The following TMEM116 variants were observed in gnomAD, a reference collection of about 807,000 sequenced individuals.
TMEM116 encodes the protein transmembrane protein 116.
TMEM116 carries 38 observed loss-of-function variants against 44.3 expected under a neutral mutation model. The ratio of observed to expected loss-of-function variants is 0.86; its 90% CI spans 0.66 to 1.12. The LOEUF (loss-of-function observed/expected upper bound fraction) is 1.12. Among genes scored for constraint, TMEM116 ranks in the 50% most tolerant of loss-of-function variants. The pLI is 0.00. For missense variants in TMEM116, 354 were observed against 401.7 expected, an observed-to-expected ratio of 0.88 and a Z score of 1.01; for synonymous variants, 132 against 144.8, an observed-to-expected ratio of 0.91 and a Z score of 0.64.
intron 4 of TMEM116, among the ~76,000 whole-genome samples, chr12:111,950,023 G>A (rs756167928): frequency 6.6e-6 from 1 of 152,162 alleles, no homozygotes; most frequent in African/African-American, 2.4e-5. Context: ...GCTGAGGCAG[G>A]AGAATCACTT....
chr12:111,996,004 C>T (rs1274428931), intron 3 of TMEM116, among the ~76,000 whole-genome samples: 1 of 139,768 alleles, frequency 7.2e-6, no homozygotes, highest in Non-Finnish European at 1.5e-5. Flanking sequence ...TGCATCACTG[C>T]ACTTCAGCCA....
intron 3 of TMEM116, chr12:111,993,384 C>A: frequency 1.8e-6 from 1 of 543,538 alleles, no homozygotes; most frequent in Non-Finnish European, 3.7e-6. Context: ...CCACTCCATG[C>A]AGGTGTTCTG....
Position 111,960,987 on chromosome 12 carries a change from G to A in TMEM116, c.211-17618C>T, listed in dbSNP as rs1451214165. ...ATAGACACAGTAAAAAATGATAAAG[G>A]GGATGTCACCACTGATCCCACAGAA... On this transcript the variant is annotated intron_variant, in intron 4 of 10. Coordinates refer to ENST00000552374, the MANE Select transcript of TMEM116 (RefSeq NM_001193531.2). 3.9e-5 allele frequency among the ~76,000 whole-genome samples: 6 copies of A among 152,130 alleles called. No individual in the cohort carries two copies. In the East Asian group the frequency reaches 9.6e-4, roughly 24 times the overall value.
At position 111,942,484 on chromosome 12, in the gene TMEM116, G is replaced by A. The variant is rs536080835; in HGVS notation, c.315+781C>T. 2.4e-3 allele frequency among the ~76,000 whole-genome samples: 372 copies of A among 152,058 alleles called. 1 individual carries two copies. The highest frequency in any genetic ancestry group is 4.3e-3 in the Non-Finnish European group (294 of 67,984). On this transcript the variant is annotated intron_variant, in intron 5 of 10. Transcript: ENST00000552374. ...AGATGGAGTTTCACCGTGTTAGCCC[G>A]AATGGTGTCAATCTCCTGACCTCGT...
chr12:111,999,371 G>C (rs2077115413), intron 3 of TMEM116, among the ~76,000 whole-genome samples: 1 of 152,138 alleles, frequency 6.6e-6, no homozygotes, highest in African/African-American at 2.4e-5. Context: ...GCCAAGGCGG[G>C]TGGATCACGA....
At chr12:111,953,724 C>G (rs116379042) in intron 4 of TMEM116, among the ~76,000 whole-genome samples, 132 of 152,236 alleles carry the variant, frequency 8.7e-4, no homozygotes, top group African/African-American at 3.2e-3. Context: ...TCCTTGTTTT[C>G]CTTTACCTCC....
At chr12:111,964,661 G>A (rs2074864201) in intron 4 of TMEM116, among the ~76,000 whole-genome samples, 2 of 152,064 alleles carry the variant, frequency 1.3e-5, no homozygotes, top group Non-Finnish European at 2.9e-5. Context: ...TCCAAAGTGT[G>A]GCAACAGTTT....
chr12:111,947,036 A>G (rs936963247), intron 4 of TMEM116, among the ~76,000 whole-genome samples: 1 of 152,194 alleles, frequency 6.6e-6, no homozygotes, highest in African/African-American at 2.4e-5. Flanking sequence ...TAAATTCTTG[A>G]TAACTGGCCT....
At chr12:111,975,910 T>G (rs1213087314) in intron 4 of TMEM116, among the ~76,000 whole-genome samples, 1 of 152,166 alleles carries the variant, frequency 6.6e-6, no homozygotes. Context: ...CTCCAACACC[T>G]TACCATCACG....
intron 4 of TMEM116, among the ~76,000 whole-genome samples, chr12:111,969,108 G>A (rs917920645): frequency 2.0e-5 from 3 of 151,630 alleles, no homozygotes; most frequent in Non-Finnish European, 1.5e-5. Context: ...ATCACCTGGG[G>A]TCGGGAGCTC....
chr12:111,962,159 A>G (rs1462514729), intron 4 of TMEM116, among the ~76,000 whole-genome samples: 1 of 152,234 alleles, frequency 6.6e-6, no homozygotes, highest in Non-Finnish European at 1.5e-5. Flanking sequence ...GCTGAAGGAA[A>G]TAAGAGAGGA....
chr12:111,952,859 C>T (rs143387971), intron 4 of TMEM116, among the ~76,000 whole-genome samples: 3 of 152,126 alleles, frequency 2.0e-5, no homozygotes, highest in Non-Finnish European at 4.4e-5. Context: ...TTAATAAACT[C>T]CCCTTTATAT....
At chr12:111,954,535 GT>G (rs2073954052) in intron 4 of TMEM116, among the ~76,000 whole-genome samples, 1 of 152,164 alleles carries the variant, frequency 6.6e-6, no homozygotes. Flanking sequence ...TAAGAACCTT[GT>G]CATTATTCTT....
Position 112,005,347 on chromosome 12 carries a change from T to C in TMEM116, c.-33-44A>G, listed in dbSNP as rs185124334. 7.9e-5 allele frequency: 97 copies of C among 1,229,712 alleles called. 1 individual carries two copies. In the Middle Eastern group the frequency reaches 1.2e-3, roughly 15 times the overall value. 76.2% of individuals were successfully genotyped at this position (1,229,712 alleles called of 1,614,324 possible). ...ACGGAATAAAATTAAACCTTTTACA[T>C]TGAATATTCAACCTAAGTTCATTAT... On this transcript the variant is annotated intron_variant, in intron 1 of 10. Coordinates refer to ENST00000552374, the MANE Select transcript of TMEM116 (RefSeq NM_001193531.2).
At chr12:111,998,847 A>G (rs2077068862) in intron 3 of TMEM116, among the ~76,000 whole-genome samples, 1 of 152,120 alleles carries the variant, frequency 6.6e-6, no homozygotes, top group South Asian at 2.1e-4. Context: ...GGGGGAAAGG[A>G]AAGGAAAGGA....
At chr12:111,957,317 G>A (rs58552361) in intron 4 of TMEM116, among the ~76,000 whole-genome samples, 29,383 of 150,586 alleles carry the variant, frequency 0.2, 3,026 homozygotes, top group Middle Eastern at 0.28. Flanking sequence ...CTGCCCCGCC[G>A]CCACCCCGTC....
intron 4 of TMEM116, among the ~76,000 whole-genome samples, chr12:111,968,992 CAA>C (rs1176204219): frequency 1.4e-3 from 61 of 45,180 alleles, no homozygotes; most frequent in South Asian, 0.01. Context: ...GACTCTATCT[CAA>C]AAAAAAAAAA....
intron 4 of TMEM116, among the ~76,000 whole-genome samples, chr12:111,945,035 A>G (rs1387599645): frequency 6.8e-6 from 1 of 146,192 alleles, no homozygotes; most frequent in Non-Finnish European, 1.5e-5. Context: ...AGATCGCGCC[A>G]CTGCACTCCA....
chr12:111,998,873 G>C (rs11066121), intron 3 of TMEM116, among the ~76,000 whole-genome samples: 21,555 of 152,086 alleles, frequency 0.14, 2,525 homozygotes, highest in African/African-American at 0.32. Context: ...TGTATAGGGA[G>C]ATGTTAAAAC....
Sources: gnomAD v4.1 joint callset for allele counts (sites outside exome capture counted in the v4.1 genomes callset) on GRCh38, gnomAD v4.1.1 for gene constraint, MANE v1.5 for transcripts, NCBI Gene and HGNC (gene_info 2026-07-23, HGNC 2026-07-21) for gene names.